The following DMD variants were observed in gnomAD, a reference collection of about 807,000 sequenced individuals.
DMD encodes the protein mutant dystrophin.
In DMD, 63 loss-of-function variants were observed where a neutral mutation model predicts 330.1. That is an observed-to-expected ratio of 0.19 (90% CI 0.16 to 0.24). The LOEUF (loss-of-function observed/expected upper bound fraction) is 0.24, where lower values mean the gene tolerates loss of function less well. DMD is among the 10% of genes least tolerant of loss of function. The pLI is 1.00. For synonymous variants in DMD, 1,223 were observed against 959.8 expected, an observed-to-expected ratio of 1.27 and a Z score of -5.07; for missense variants, 3,344 against 2,684.1, an observed-to-expected ratio of 1.25 and a Z score of -5.43.
intron 43 of DMD, among the ~76,000 whole-genome samples, chrX:32,262,139 C>G (rs1250119136): frequency 9.0e-6 from 1 of 111,593 alleles, no homozygotes; most frequent in Non-Finnish European, 1.9e-5. Flanking sequence ...AAACTAGTAT[C>G]GGAATCAAAT....
chrX:31,594,708 C>T (rs750597525), intron 55 of DMD, among the ~76,000 whole-genome samples: 7 of 110,933 alleles, frequency 6.3e-5, no homozygotes, highest in African/African-American at 2.0e-4. Flanking sequence ...TAATTATTTG[C>T]TGTGCCTTAT....
chrX:32,775,489 C>T (rs1448819266), intron 7 of DMD, among the ~76,000 whole-genome samples: 1 of 113,371 alleles, frequency 8.8e-6, no homozygotes, highest in East Asian at 2.8e-4. Flanking sequence ...GGTTCCCAAA[C>T]CTCATTTCTT....
chrX:31,387,793 G>A (rs1044242823), intron 60 of DMD, among the ~76,000 whole-genome samples: 3 of 110,344 alleles, frequency 2.7e-5, no homozygotes, highest in Admixed American at 9.7e-5. Context: ...ATGAACTTTC[G>A]GGTCTCCCTC....
chrX:31,590,359 A>G (rs1310726037), intron 55 of DMD, among the ~76,000 whole-genome samples: 2 of 111,403 alleles, frequency 1.8e-5, no homozygotes, highest in Non-Finnish European at 3.8e-5. Flanking sequence ...GATTCTTCCA[A>G]TGCAAAAAGG....
chrX:33,180,401 C>CTT (rs1204695842), intron 1 of DMD, among the ~76,000 whole-genome samples: 1 of 111,710 alleles, frequency 9.0e-6, no homozygotes, highest in African/African-American at 3.3e-5. Context: ...AAGCACAATA[C>CTT]TTGTATACTT....
intron 3 of DMD, among the ~76,000 whole-genome samples, chrX:32,846,026 CAA>C (rs762881364): frequency 8.9e-6 from 1 of 111,803 alleles, no homozygotes; most frequent in Non-Finnish European, 1.9e-5. Context: ...TCATATTGCT[CAA>C]ACCATTGTAC....
At chrX:32,156,882 G>A (rs1307090287) in intron 44 of DMD, among the ~76,000 whole-genome samples, 1 of 111,286 alleles carries the variant, frequency 9.0e-6, no homozygotes, top group Non-Finnish European at 1.9e-5. Context: ...TGAAGCTAGA[G>A]GAAAAGGTTC....
chrX:32,589,014 A>G (rs185716063), intron 13 of DMD, among the ~76,000 whole-genome samples: 7 of 111,900 alleles, frequency 6.3e-5, no homozygotes, highest in Non-Finnish European at 9.4e-5. Flanking sequence ...TAATTAGAAG[A>G]AAATGGACTC....
intron 44 of DMD, among the ~76,000 whole-genome samples, chrX:32,101,315 C>T (rs1004081029): frequency 1.8e-5 from 2 of 111,116 alleles, no homozygotes; most frequent in Non-Finnish European, 3.8e-5. Flanking sequence ...GCTCTATGAG[C>T]GTGAGTAAGT....
intron 7 of DMD, among the ~76,000 whole-genome samples, chrX:32,755,659 T>A (rs2071414942): frequency 8.9e-6 from 1 of 112,369 alleles, no homozygotes; most frequent in Non-Finnish European, 1.9e-5. Context: ...GTATAAAATA[T>A]AAGTTAAATA....
In DMD at chrX:32,287,606, C is replaced by T. The variant is rs766922065; in HGVS notation, c.6213G>A (p.Arg2071=). 3 of 1,208,499 alleles carry T rather than the reference C, an allele frequency of 2.5e-6. No homozygotes were observed. Among genetic ancestry groups the T allele is most frequent in the African/African-American group, 3.5e-5 (2 of 57,042 alleles). ...GGGAGAGAGCTTCCTGTAGCTTCAC[C>T]CTTTCCACAGGCGTTGCACTTTGCA... ...AALQSATPVE[R]VKLQEALSQL... is the part of the protein sequence containing the mutation. The change falls in exon 43 of 79, where the codon AGG becomes AGA. Residue 2071 remains arginine, a synonymous_variant. Coordinates refer to ENST00000357033, the MANE Select transcript of DMD (RefSeq NM_004006.3).
At chrX:32,807,126 A>ATT (rs1569525865) in intron 7 of DMD, among the ~76,000 whole-genome samples, 1 of 101,267 alleles carries the variant, frequency 9.9e-6, no homozygotes, top group African/African-American at 3.7e-5. Flanking sequence ...AACATTTAAA[A>ATT]AAAAAAAAAA....
chrX:31,454,242 G>A (rs1286521585), intron 59 of DMD, among the ~76,000 whole-genome samples: 2 of 111,024 alleles, frequency 1.8e-5, no homozygotes, highest in African/African-American at 6.6e-5. Context: ...GGGTTCAAGC[G>A]ATTCTCCTGC....
intron 44 of DMD, among the ~76,000 whole-genome samples, chrX:31,997,434 TG>T (rs200717048): frequency 0.012 from 1,318 of 106,466 alleles, 23 homozygotes; most frequent in African/African-American, 0.04. Flanking sequence ...TTTTGTTTTT[TG>T]TTTTTTTAGA....
chrX:31,712,082 A>G (rs758800706), intron 52 of DMD, among the ~76,000 whole-genome samples: 69 of 111,970 alleles, frequency 6.2e-4, no homozygotes, highest in South Asian at 3.7e-3. Context: ...AGAGAGGATT[A>G]CAAAAAACTG....
In DMD at chrX:33,023,093, C is replaced by T. The variant is rs201137659; in HGVS notation, c.32-2893G>A. On this transcript the variant is annotated intron_variant, in intron 1 of 78. Coordinates refer to ENST00000357033, the MANE Select transcript of DMD (RefSeq NM_004006.3). ...AATTGATATTTGGTATTTCAATTTTCGTCTTATATATCATTATGGAAACAT... is the reference window on the plus strand; with the variant it reads ...AATTGATATTTGGTATTTCAATTTTTGTCTTATATATCATTATGGAAACAT... Among the ~76,000 whole-genome samples, 9 of 111,645 alleles carry T rather than the reference C, an allele frequency of 8.1e-5. No individual in the cohort carries two copies. The East Asian group carries it at 2.5e-3, about 31-fold the overall frequency.
rs746437287 is a variant in DMD, at chrX:31,967,297, G to GGTGTGTGT, written c.6614+1034_6614+1041dup. Among the ~76,000 whole-genome samples the GGTGTGTGT allele has an allele frequency of 1.5e-3, 110 of 74,583 alleles. 3 individuals are homozygous for GGTGTGTGT. Among genetic ancestry groups the GGTGTGTGT allele is most frequent in the South Asian group, 2.8e-3 (3 of 1,079 alleles). The allele number at this position is 74,583 out of a possible 115,157, so 64.8% of individuals were successfully genotyped here. ...CTATAATTCTTTAACTTTGGCAAGGGGTGTGTGTGTGTGTGTGTGTGTGTG... is the reference window on the plus strand; with the variant it reads ...CTATAATTCTTTAACTTTGGCAAGGGGTGTGTGTGTGTGTGTGTGTGTGTGTGTGTGTG... On this transcript the variant is annotated intron_variant, in intron 45 of 78. Coordinates refer to ENST00000357033, the MANE Select transcript of DMD (RefSeq NM_004006.3).
chrX:32,022,588 T>C (rs2095813874), intron 44 of DMD, among the ~76,000 whole-genome samples: 1 of 112,240 alleles, frequency 8.9e-6, no homozygotes, highest in Non-Finnish European at 1.9e-5. Context: ...CTTTGAAATC[T>C]ATTTTTATCA....
At chrX:31,424,774 C>T in intron 60 of DMD, among the ~76,000 whole-genome samples, 1 of 111,947 alleles carries the variant, frequency 8.9e-6, no homozygotes, top group Non-Finnish European at 1.9e-5. Flanking sequence ...TAATACTTTC[C>T]TCTATCAAAA....
Sources: gnomAD v4.1 joint callset for allele counts (sites outside exome capture counted in the v4.1 genomes callset) on GRCh38, gnomAD v4.1.1 for gene constraint, MANE v1.5 for transcripts, NCBI Gene and HGNC (gene_info 2026-07-23, HGNC 2026-07-21) for gene names.